Variants in HCN2 observed in about 807,000 individuals in gnomAD.
HCN2 encodes the protein hyperpolarization activated cyclic nucleotide gated potassium and sodium channel 2.
In HCN2, 20 loss-of-function variants were observed where a neutral mutation model predicts 52.3. The ratio of observed to expected loss-of-function variants is 0.38; its 90% CI spans 0.27 to 0.56. The LOEUF is 0.56. Ranked by LOEUF, HCN2 falls within the 20% of genes least tolerant of loss-of-function variation. The pLI is 0.71. For synonymous variants in HCN2, 694 were observed against 537.0 expected, an observed-to-expected ratio of 1.29 and a Z score of -4.04; for missense variants, 981 against 1,207.7, an observed-to-expected ratio of 0.81 and a Z score of 2.78.
rs756610547 is a variant in HCN2 at position 613,696 on chromosome 19, G to GC, written c.1826-156_1826-155insC. Among the ~76,000 whole-genome samples the GC allele has an allele frequency of 1.0e-4, 10 of 98,504 alleles. 2 individuals are homozygous for GC. The highest frequency in any genetic ancestry group is 2.0e-4 in the Non-Finnish European group (8 of 40,050). The allele number at this position is 98,504 out of a possible 152,430, so 64.6% of individuals were successfully genotyped here. A position where few individuals can be genotyped will look rare whatever the true frequency, so the allele number is the denominator to read the frequency against. On this transcript the variant is annotated intron_variant, in intron 6 of 7. Coordinates refer to ENST00000251287, the MANE Select transcript of HCN2 (RefSeq NM_001194.4). ...GGATGGGGCCGGGGATGGGGCCGGG[G>GC]ATGGGGCCGGGGATGGGGCCGGGGC...
chr19:599,344 G>A (rs925632617), intron 1 of HCN2, among the ~76,000 whole-genome samples: 7 of 152,136 alleles, frequency 4.6e-5, no homozygotes, highest in African/African-American at 1.7e-4. Context: ...AGGTCCCGGC[G>A]GCCACGCCAG....
In HCN2 at chr19:616,320, G is replaced by T; in HGVS notation, c.2516G>T (p.Arg839Leu). ...HGAPGPAASTRPASSSTPRLG... is the reference protein window; with the variant it reads ...HGAPGPAASTLPASSSTPRLG... ...GCCCCCGGCCCCGCGGCCTCCACACGCCCGGCCAGCAGCTCCACACCGCGC... is the reference window on the plus strand; with the variant it reads ...GCCCCCGGCCCCGCGGCCTCCACACTCCCGGCCAGCAGCTCCACACCGCGC... The change falls in exon 8 of 8, where the codon CGC becomes CTC. Residue 839 changes from arginine to leucine, a missense_variant. Arg to Leu is a moderately radical substitution (Grantham distance 102). Coordinates refer to ENST00000251287, the MANE Select transcript of HCN2 (RefSeq NM_001194.4). 8.6e-7 allele frequency: 1 copy of T among 1,160,822 alleles called. No individual in the cohort carries two copies. 71.9% of individuals were successfully genotyped at this position (1,160,822 alleles called of 1,614,324 possible).
intron 2 of HCN2, 68 bp from the exon 3 acceptor site, chr19:604,993 G>A: frequency 6.5e-7 from 1 of 1,543,454 alleles, no homozygotes; most frequent in South Asian, 1.2e-5. Context: ...GGGGCGCACG[G>A]GGCTGGGGCT....
rs1473962918 is a variant in HCN2, at chr19:616,407, C to T, written c.2603C>T (p.Ser868Leu). The T allele has an allele frequency of 5.7e-6, 7 of 1,237,372 alleles. No homozygotes were observed. Among genetic ancestry groups the T allele is most frequent in the Admixed American group, 8.8e-5 (2 of 22,722 alleles). The allele number at this position is 1,237,372 out of a possible 1,614,324, so 76.6% of individuals were successfully genotyped here. Residue 868 changes from serine (S) to leucine (L), a missense_variant, in exon 8 of 8, where the codon TCA becomes TTA. This residue lies in a region of HCN2 where 368 missense variants were observed against 314.8 expected (regional missense o/e 1.17). Transcript: ENST00000251287. ...AGCCCGGACCGCAGGGACTCGGCCTCACCCGGCGCCGCCGGCGGCCTGGAC... is the reference window on the plus strand; with the variant it reads ...AGCCCGGACCGCAGGGACTCGGCCTTACCCGGCGCCGCCGGCGGCCTGGAC... Reference protein sequence around the residue: ...APSPDRRDSASPGAAGGLDPQ... With the variant: ...APSPDRRDSALPGAAGGLDPQ...
At chr19:613,709 AT>A in intron 6 of HCN2, 142 bp from the exon 7 acceptor site, 1 of 230,184 alleles carries the variant, frequency 4.3e-6, no homozygotes, top group Middle Eastern at 1.6e-3. Context: ...GGGGCCGGGG[AT>A]GGGGCCGGGG....
At chr19:601,794 G>T (rs906025943) in intron 1 of HCN2, among the ~76,000 whole-genome samples, 4 of 151,928 alleles carry the variant, frequency 2.6e-5, no homozygotes, top group African/African-American at 9.7e-5. Context: ...GACCTCCTGT[G>T]TGGACGCGGC....
chr19:596,225 T>A (rs1025003046), intron 1 of HCN2, among the ~76,000 whole-genome samples: 1 of 152,228 alleles, frequency 6.6e-6, no homozygotes, highest in African/African-American at 2.4e-5. Context: ...TGGGTTCCCA[T>A]CCCACTGTTT....
At chr19:605,301 T>C (rs1983385296) in intron 3 of HCN2, 79 bp downstream of exon 3, 4 of 1,389,854 alleles carry the variant, frequency 2.9e-6, no homozygotes, top group Non-Finnish European at 3.9e-6. Context: ...TTATCCCGCT[T>C]ACAGAGGGTT....
chr19:603,617 T>C lies in HCN2; in HGVS notation c.706T>C (p.Phe236Leu). The change falls in exon 2 of 8, where the codon TTC (phenylalanine) becomes CTC (leucine). Residue 236 changes from phenylalanine (F) to leucine (L), a missense_variant. Phe to Leu is a conservative substitution (Grantham distance 22). Around this residue, in one of 6 missense-constraint regions of HCN2, gnomAD observed 282 missense variants for 553.8 expected, o/e 0.51. Coordinates refer to ENST00000251287, the MANE Select transcript of HCN2 (RefSeq NM_001194.4). ...CATCATCCCAGTGGGCATCACCTTC[T>C]TCAAGGATGAGACCACTGCCCCGTG... ...LIIIPVGITFFKDETTAPWIV... is the reference protein window; with the variant it reads ...LIIIPVGITFLKDETTAPWIV... 6.2e-7 allele frequency: 1 copy of C among 1,612,088 alleles called. No homozygotes were observed. The highest frequency in any genetic ancestry group is 8.5e-7 in the Non-Finnish European group (1 of 1,179,370).
At position 613,459 on chromosome 19, in the gene HCN2, T is replaced by C. The variant is rs1209810793; in HGVS notation, c.1796T>C (p.Met599Thr). Reference sequence around the variant, plus strand: ...GTGCTCACTAAGGGCAACAAGGAGATGAAGCTGTCCGATGGCTCCTACTTC... The same window carrying C: ...GTGCTCACTAAGGGCAACAAGGAGACGAAGCTGTCCGATGGCTCCTACTTC... Reference protein sequence around the residue: ...VSVLTKGNKEMKLSDGSYFGE... With the variant: ...VSVLTKGNKETKLSDGSYFGE... The change falls in exon 6 of 8, where the codon ATG becomes ACG. Residue 599 changes from methionine (M) to threonine (T), a missense_variant. This residue lies in a region of HCN2 where 85 missense variants were observed against 106.1 expected (regional missense o/e 0.80). Coordinates refer to ENST00000251287, the MANE Select transcript of HCN2 (RefSeq NM_001194.4). The C allele has an allele frequency of 6.4e-7, 1 of 1,572,344 alleles. No homozygotes were observed. The highest frequency in any genetic ancestry group is 2.4e-5 in the East Asian group (1 of 41,346).
At chr19:614,864 G>T (rs2144536073) in intron 7 of HCN2, among the ~76,000 whole-genome samples, 1 of 152,276 alleles carries the variant, frequency 6.6e-6, no homozygotes, top group East Asian at 1.9e-4. Context: ...CTGGATGTAG[G>T]CGCCAGAGAG....
At chr19:604,626 C>T (rs114351939) in intron 2 of HCN2, among the ~76,000 whole-genome samples, 3,109 of 29,918 alleles carry the variant, frequency 0.1, 130 homozygotes, top group African/African-American at 0.22. Context: ...TTGTGCTGGG[C>T]GGGGTCAGGC....
rs765831811 is a variant in HCN2, at chr19:615,844, G to C, written c.2040G>C (p.Ser680=). The change falls in exon 8 of 8, where the codon TCG becomes TCC. Residue 680 remains serine (S), a synonymous_variant. Transcript: ENST00000251287. ...ACAAGGTGCAGCATGACCTCAACTC[G>C]GGCGTATTCAACAACCAGGAGAACG... ...LLHKVQHDLN[S]GVFNNQENAI... 18 of 1,612,712 alleles carry C rather than the reference G, an allele frequency of 1.1e-5. No homozygotes were observed. The highest frequency in any genetic ancestry group is 1.1e-4 in the African/African-American group (8 of 74,912).
chr19:606,745 T>C (rs1483959068), intron 3 of HCN2, among the ~76,000 whole-genome samples: 1 of 146,780 alleles, frequency 6.8e-6, no homozygotes, highest in Non-Finnish European at 1.5e-5. Context: ...CCAGCTACTG[T>C]AGAGGCTGAG....
At chr19:601,982 C>T (rs887509133) in intron 1 of HCN2, among the ~76,000 whole-genome samples, 9 of 151,948 alleles carry the variant, frequency 5.9e-5, no homozygotes, top group South Asian at 2.1e-4. Flanking sequence ...TCATACGGAA[C>T]GTCCGAATGG....
chr19:610,646 C>T (rs1983590932), intron 5 of HCN2, among the ~76,000 whole-genome samples: 1 of 152,212 alleles, frequency 6.6e-6, no homozygotes, highest in African/African-American at 2.4e-5. Flanking sequence ...TGGGTCTGTG[C>T]CTGACAGGGC....
intron 7 of HCN2, 57 bp downstream of exon 7, chr19:614,073 C>CGGGGCGGGTGCCCTGGCG: frequency 1.5e-6 from 2 of 1,314,730 alleles, no homozygotes; most frequent in Non-Finnish European, 2.0e-6. Flanking sequence ...GGGGCGTGGC[C>CGGGGCGGGTGCCCTGGCG]AAGGCATCAG....
At chr19:604,945 C>G (rs1370656231) in intron 2 of HCN2, 116 bp from the exon 3 acceptor site, 4 of 1,114,420 alleles carry the variant, frequency 3.6e-6, no homozygotes, top group Admixed American at 5.4e-5. Flanking sequence ...TGTGCGGGGC[C>G]TTGGATTTGG....
At chr19:599,231 G>A (rs556350991) in intron 1 of HCN2, among the ~76,000 whole-genome samples, 4 of 152,308 alleles carry the variant, frequency 2.6e-5, no homozygotes, top group Admixed American at 1.3e-4. Context: ...TCATTTCCCC[G>A]AAGTGGAGCG....
Sources: allele counts gnomAD v4.1 joint callset (sites outside exome capture counted in the v4.1 genomes callset), GRCh38; gene constraint gnomAD v4.1.1; regional missense constraint gnomAD v4.1.1; transcripts MANE v1.5; gene names NCBI Gene and HGNC (gene_info 2026-07-23, HGNC 2026-07-21).